The following ZMIZ2 variants were observed in gnomAD, a reference collection of about 807,000 sequenced individuals.
ZMIZ2 encodes zinc finger MIZ domain-containing protein 2.
Under a neutral mutation model 93.9 loss-of-function variants are expected in ZMIZ2, and 26 were observed. That is an observed-to-expected ratio of 0.28 (90% CI 0.20 to 0.38). ZMIZ2 has a LOEUF of 0.38. Ranked by LOEUF, ZMIZ2 falls within the 10% of genes least tolerant of loss-of-function variation. The pLI, the probability that ZMIZ2 is intolerant of heterozygous loss-of-function variation, is 1.00. For missense variants in ZMIZ2, 1,023 were observed against 1,235.0 expected, an observed-to-expected ratio of 0.83 and a Z score of 2.57; for synonymous variants, 485 against 516.4, an observed-to-expected ratio of 0.94 and a Z score of 0.82.
chr7:44,760,383 A>G (rs896815388), intron 8 of ZMIZ2, 42 bp from the exon 9 acceptor site: 16 of 1,605,160 alleles, frequency 1.0e-5, no homozygotes, highest in East Asian at 2.2e-5. Context: ...ACTCCCATCC[A>G]CCCTGGCAAT....
At position 44,762,994 on chromosome 7, in the gene ZMIZ2, G is replaced by T; in HGVS notation, c.1702+8G>T. 1.2e-6 allele frequency: 2 copies of T among 1,606,206 alleles called. No homozygotes were observed. The highest frequency in any genetic ancestry group is 1.7e-6 in the Non-Finnish European group (2 of 1,175,076). ...AGCACTGCATCACCAAGAGTGAGTG[G>T]CTCCTGCCCCTCAGCTGCCAGGCAG... On this transcript the variant is annotated splice_region_variant and intron_variant, in intron 12 of 18. Coordinates refer to ENST00000309315, the MANE Select transcript of ZMIZ2 (RefSeq NM_031449.4).
At position 44,768,912 on chromosome 7, in the gene ZMIZ2, C is replaced by A. The variant is rs766150352; in HGVS notation, c.*1289C>A. The A allele has an allele frequency of 2.6e-5, 4 of 152,622 alleles. No individual in the cohort carries two copies. Among genetic ancestry groups the A allele is most frequent in the Non-Finnish European group, 4.4e-5 (3 of 68,054 alleles). 9.5% of individuals were successfully genotyped at this position (152,622 alleles called of 1,614,324 possible). A position where few individuals can be genotyped will look rare whatever the true frequency, so the allele number is the denominator to read the frequency against. On this transcript the variant is annotated 3_prime_UTR_variant, in exon 19 of 19. Coordinates refer to ENST00000309315, the MANE Select transcript of ZMIZ2 (RefSeq NM_031449.4). ...TAAATTTCCTTTTCCCTGGAATTTT[C>A]CAAGTTGGCTTCAGCTGAAGAGCTG...
intron 1 of ZMIZ2, chr7:44,750,837 C>T (rs925606469): frequency 6.6e-6 from 1 of 152,140 alleles, no homozygotes; most frequent in Non-Finnish European, 1.5e-5. Context: ...GCACTAAGAC[C>T]CTTGGTGGGC....
intron 1 of ZMIZ2, 59 bp from the exon 2 acceptor site, chr7:44,756,129 C>A: frequency 7.0e-7 from 1 of 1,431,094 alleles, no homozygotes; most frequent in Non-Finnish European, 9.7e-7. Context: ...TCCCTCCACC[C>A]TGCTGAAAGG....
At position 44,766,458 on chromosome 7, in the gene ZMIZ2, C is replaced by T. The variant is rs771434439; in HGVS notation, c.2450C>T (p.Pro817Leu). ...PAGHLDPTHN[P>L]GTPGLHTSNL... ...GGTCACCTGGACCCCACTCACAATC[C>T]TGGGACACCAGGACTACACACCTCC... The change falls in exon 18 of 19, where the codon CCT becomes CTT. Residue 817 changes from proline to leucine, a missense_variant. Physicochemically the swap from Pro to Leu is moderately conservative, Grantham distance 98 (BLOSUM62 -3). Around this residue, in one of 3 missense-constraint regions of ZMIZ2, gnomAD observed 319 missense variants for 358.8 expected, o/e 0.89. Transcript: ENST00000309315. This position sits in a 1 kb window ranked among gnomAD's most constrained non-coding sequence, Gnocchi z 4.4. 1.2e-6 allele frequency: 2 copies of T among 1,614,158 alleles called. No homozygotes were observed. Among genetic ancestry groups the T allele is most frequent in the Non-Finnish European group, 1.7e-6 (2 of 1,180,030 alleles).
rs1790753956 is a variant in ZMIZ2, at chr7:44,757,881, C to G, written c.586C>G (p.Leu196Val). The G allele has an allele frequency of 6.3e-6, 10 of 1,595,526 alleles. No individual in the cohort carries two copies. Among genetic ancestry groups the G allele is most frequent in the African/African-American group, 1.3e-5 (1 of 74,120 alleles). The change falls in exon 6 of 19, where the codon CTG (leucine) becomes GTG (valine). Residue 196 changes from leucine (L) to valine (V), a missense_variant. Around this residue, in one of 3 missense-constraint regions of ZMIZ2, gnomAD observed 656 missense variants for 777.1 expected, o/e 0.84. Transcript: ENST00000309315. The part of the protein sequence containing the change: ...GAGQSFNSQF[L>V]QHGGPRGPSV... The stretch of plus-strand genomic sequence containing the variant: ...CGGACAGTCTTTTAACAGCCAGTTT[C>G]TGCAGCATGGAGGTCCCCGGGGGCC...
chr7:44,751,849 T>C (rs965668287), intron 1 of ZMIZ2, among the ~76,000 whole-genome samples: 1 of 152,026 alleles, frequency 6.6e-6, no homozygotes, highest in African/African-American at 2.4e-5. Flanking sequence ...TGTAGTCCAG[T>C]TACTCAGGAG....
intron 1 of ZMIZ2, among the ~76,000 whole-genome samples, chr7:44,753,287 C>G (rs1790318360): frequency 6.6e-6 from 1 of 151,426 alleles, no homozygotes; most frequent in Non-Finnish European, 1.5e-5. Context: ...CTCTGTCATC[C>G]AGGCTAGAGT....
chr7:44,756,671 A>G, intron 3 of ZMIZ2, 132 bp downstream of exon 3: 1 of 995,230 alleles, frequency 1.0e-6, no homozygotes. Flanking sequence ...GGCATGACAT[A>G]TGAGGATGGG....
chr7:44,759,981 C>A, intron 7 of ZMIZ2, 170 bp from the exon 8 acceptor site: 1 of 721,654 alleles, frequency 1.4e-6, no homozygotes, highest in Non-Finnish European at 2.3e-6. Flanking sequence ...CCTGTTTGAT[C>A]ATTTTCCTCT....
chr7:44,762,796 C>A, intron 11 of ZMIZ2, 85 bp from the exon 12 acceptor site: 3 of 1,040,058 alleles, frequency 2.9e-6, no homozygotes, highest in Non-Finnish European at 3.9e-6. Context: ...CAGCCCCTGA[C>A]ACACAACCCC....
At position 44,766,439 on chromosome 7, in the gene ZMIZ2, C is replaced by G. The variant is rs748380723; in HGVS notation, c.2431C>G (p.Leu811Val). 1 of 1,614,190 alleles carries G rather than the reference C, an allele frequency of 6.2e-7. No individual in the cohort carries two copies. The highest frequency in any genetic ancestry group is 2.2e-5 in the East Asian group (1 of 44,886). ...LPSQMAPAGH[L>V]DPTHNPGTPG... ...TCTTCAGATGGCACCAGCAGGTCAC[C>G]TGGACCCCACTCACAATCCTGGGAC... The change falls in exon 18 of 19, where the codon CTG (leucine) becomes GTG (valine). Residue 811 changes from leucine to valine, a missense_variant. Leu to Val is a conservative substitution (Grantham distance 32). Transcript: ENST00000309315. This position sits in a 1 kb window ranked among gnomAD's most constrained non-coding sequence, Gnocchi z 4.4.
chr7:44,760,690 C>A, intron 9 of ZMIZ2, 97 bp downstream of exon 9: 1 of 1,443,708 alleles, frequency 6.9e-7, no homozygotes, highest in Non-Finnish European at 9.4e-7. Context: ...GCTTGGGGGA[C>A]AGGGGATGGC....
chr7:44,760,108 G>T, intron 7 of ZMIZ2, 43 bp from the exon 8 acceptor site: 1 of 1,612,362 alleles, frequency 6.2e-7, no homozygotes. Context: ...CCCGGCAGGG[G>T]TCAGGTTGGA....
Position 44,764,938 on chromosome 7 carries a change from C to T in ZMIZ2, c.1929-3C>T, listed in dbSNP as rs1473318138. The T allele has an allele frequency of 6.2e-7, 1 of 1,614,018 alleles. No homozygotes were observed. The highest frequency in any genetic ancestry group is 8.5e-7 in the Non-Finnish European group (1 of 1,179,956). On this transcript the variant is annotated splice_region_variant and splice_polypyrimidine_tract_variant and intron_variant, in intron 14 of 18. Coordinates refer to ENST00000309315, the MANE Select transcript of ZMIZ2 (RefSeq NM_031449.4). The stretch of plus-strand genomic sequence containing the variant: ...TGAGCTGTGTCCCTTTTTTTCCCCA[C>T]AGCAAGACAGCTTTGCTGGAGGGCC...
At position 44,763,753 on chromosome 7, in the gene ZMIZ2, A is replaced by G. The variant is rs2116859656; in HGVS notation, c.1860+340A>G. 3.6e-6 allele frequency: 1 copy of G among 280,692 alleles called. No individual in the cohort carries two copies. Among genetic ancestry groups the G allele is most frequent in the Non-Finnish European group, 6.8e-6 (1 of 147,024 alleles). The allele number at this position is 280,692 out of a possible 1,614,324, so 17.4% of individuals were successfully genotyped here. A position where few individuals can be genotyped will look rare whatever the true frequency, so the allele number is the denominator to read the frequency against. The stretch of plus-strand genomic sequence containing the variant: ...CTGTCTTTGCAGAAATACTCTGGGT[A>G]TGAACAAGTAGATGCACAGCCCACT... On this transcript the variant is annotated intron_variant, in intron 13 of 18. Transcript: ENST00000309315. This position sits in a 1 kb window ranked among gnomAD's most constrained non-coding sequence, Gnocchi z 5.6.
Position 44,759,355 on chromosome 7 carries a change from G to A in ZMIZ2, c.888G>A (p.Gly296=), listed in dbSNP as rs1358237024. The A allele has an allele frequency of 1.2e-6, 2 of 1,605,338 alleles. No homozygotes were observed. Among genetic ancestry groups the A allele is most frequent in the Non-Finnish European group, 1.7e-6 (2 of 1,176,222 alleles). The change falls in exon 7 of 19, where the codon GGG becomes GGA. Residue 296 remains glycine (G), a synonymous_variant. Transcript: ENST00000309315. ...PSTAQFAPSP[G]QPPAPSPSYP... is the part of the protein sequence containing the mutation. ...CCGCCCAGTTTGCGCCCAGCCCTGG[G>A]CAGCCCCCTGCCCCCTCCCCTTCCT...
Position 44,766,532 on chromosome 7 carries a change from C to T in ZMIZ2, c.2524C>T (p.Pro842Ser), listed in dbSNP as rs1222919773. 1 of 1,614,118 alleles carries T rather than the reference C, an allele frequency of 6.2e-7. No homozygotes were observed. The highest frequency in any genetic ancestry group is 2.2e-5 in the East Asian group (1 of 44,880). ...GPQLHHSNPP[P>S]ASRQSLGQAS... Reference sequence around the variant, plus strand: ...CCAGCTGCACCATTCAAACCCTCCCCCAGCGTCCCGGCAGTCCTTGGGCCA... The same window carrying T: ...CCAGCTGCACCATTCAAACCCTCCCTCAGCGTCCCGGCAGTCCTTGGGCCA... The change falls in exon 18 of 19, where the codon CCA becomes TCA. Residue 842 changes from proline to serine, a missense_variant. Pro to Ser is a moderately conservative substitution (Grantham distance 74, BLOSUM62 -1). Coordinates refer to ENST00000309315, the MANE Select transcript of ZMIZ2 (RefSeq NM_031449.4). The surrounding 1 kb of genome is among the most constrained non-coding windows in gnomAD (Gnocchi z 4.4).
At chr7:44,760,096 G>A in intron 7 of ZMIZ2, 55 bp from the exon 8 acceptor site, 1 of 1,604,704 alleles carries the variant, frequency 6.2e-7, no homozygotes. Flanking sequence ...AGGTCCAGGG[G>A]GCCCGGCAGG....
Sources: allele counts gnomAD v4.1 joint callset (sites outside exome capture counted in the v4.1 genomes callset), GRCh38; gene constraint gnomAD v4.1.1; regional missense constraint gnomAD v4.1.1; non-coding constraint Gnocchi (gnomAD v3.1); transcripts MANE v1.5; gene names NCBI Gene and HGNC (gene_info 2026-07-23, HGNC 2026-07-21).